The following DNAH10 variants were observed in gnomAD, a reference collection of about 807,000 sequenced individuals.
The protein encoded by DNAH10 is dynein axonemal heavy chain 10.
In DNAH10, 348 loss-of-function variants were observed where a neutral mutation model predicts 506.6. The observed-to-expected ratio is 0.69, with a 90% CI of 0.63 to 0.75. The LOEUF (loss-of-function observed/expected upper bound fraction) is 0.75, where lower values mean the gene tolerates loss of function less well. Ranked by LOEUF, DNAH10 falls within the 30% of genes least tolerant of loss-of-function variation. DNAH10 has a pLI of 0.00. For missense variants in DNAH10, 5,179 were observed against 5,787.1 expected (o/e 0.89, Z 3.41); for synonymous variants, 2,059 against 2,198.6 (o/e 0.94, Z 1.78).
Position 123,826,633 on chromosome 12 carries a change from G to A in DNAH10, c.4180-54G>A, listed in dbSNP as rs1960020480. 2.0e-6 allele frequency: 3 copies of A among 1,533,754 alleles called. No individual in the cohort carries two copies. In the East Asian group the frequency reaches 6.8e-5, roughly 35 times the overall value. On this transcript the variant is annotated intron_variant, in intron 24 of 78. Coordinates refer to ENST00000673944, the MANE Select transcript of DNAH10 (RefSeq NM_001372106.1). Reference sequence around the variant, plus strand: ...TAAGAGTCAAGAACTTGCTCTCCTTGTTGCATTTCCAAAGGGGTCTTTGTT... The same window carrying A: ...TAAGAGTCAAGAACTTGCTCTCCTTATTGCATTTCCAAAGGGGTCTTTGTT...
intron 5 of DNAH10, among the ~76,000 whole-genome samples, chr12:123,779,298 C>T (rs1267447772): frequency 6.6e-6 from 1 of 152,052 alleles, no homozygotes; most frequent in Non-Finnish European, 1.5e-5. Flanking sequence ...GCCTTGGCCT[C>T]TCAAAGTGCT....
At chr12:123,933,302 T>C (rs1445807192) in intron 76 of DNAH10, 29 bp from the exon 77 acceptor site, 3 of 1,455,528 alleles carry the variant, frequency 2.1e-6, no homozygotes, top group East Asian at 5.4e-5. Context: ...AGCCCCAGGC[T>C]CCCAGCACTT....
intron 65 of DNAH10, among the ~76,000 whole-genome samples, chr12:123,922,177 A>G (rs2137587943): frequency 6.6e-6 from 1 of 152,154 alleles, no homozygotes; most frequent in African/African-American, 2.4e-5. Context: ...GATGGAGACC[A>G]TCCTGGCCAA....
intron 47 of DNAH10, among the ~76,000 whole-genome samples, chr12:123,877,061 C>T (rs537241486): frequency 2.0e-5 from 3 of 152,328 alleles, no homozygotes; most frequent in South Asian, 4.1e-4. Flanking sequence ...CCATCAGCAA[C>T]GTCTAACCCC....
In DNAH10 at chr12:123,846,270, A is replaced by C. The variant is rs1383681621; in HGVS notation, c.5814+116A>C. On this transcript the variant is annotated intron_variant, in intron 32 of 78. Coordinates refer to ENST00000673944, the MANE Select transcript of DNAH10 (RefSeq NM_001372106.1). The surrounding 1 kb of genome is among the most constrained non-coding windows in gnomAD (Gnocchi z 4.5). ...ATAGCAGGGGAGATCATTGCTTTGA[A>C]ATCTCGAAAAGCTTTTCCATTTGGG... 3 of 1,297,520 alleles carry C rather than the reference A, an allele frequency of 2.3e-6. No individual in the cohort carries two copies. The highest frequency in any genetic ancestry group is 3.1e-6 in the Non-Finnish European group (3 of 970,984). The allele number at this position is 1,297,520 out of a possible 1,614,324, so 80.4% of individuals were successfully genotyped here.
intron 77 of DNAH10, among the ~76,000 whole-genome samples, chr12:123,933,720 T>C (rs1955329246): frequency 1.3e-5 from 2 of 152,226 alleles, no homozygotes; most frequent in South Asian, 2.1e-4. Flanking sequence ...TTCCACTTTC[T>C]CCGTTGAGAC....
At chr12:123,854,633 A>G (rs1425460581) in intron 36 of DNAH10, among the ~76,000 whole-genome samples, 2 of 152,242 alleles carry the variant, frequency 1.3e-5, no homozygotes, top group African/African-American at 4.8e-5. Context: ...CCCTCTTCTC[A>G]TCCAGCAATG....
chr12:123,926,968 G>A lies in DNAH10; in HGVS notation c.12105+148G>A, dbSNP rs1954973280. 1.3e-6 allele frequency: 1 copy of A among 799,428 alleles called. No homozygotes were observed. Among genetic ancestry groups the A allele is most frequent in the South Asian group, 1.8e-5 (1 of 56,588 alleles). 49.5% of individuals were successfully genotyped at this position (799,428 alleles called of 1,614,324 possible). ...GCTAAGAAGCAGTAATGAAACACTG[G>A]GAAGATGACAATAATAGTTATGATT... On this transcript the variant is annotated intron_variant, in intron 69 of 78. Coordinates refer to ENST00000673944, the MANE Select transcript of DNAH10 (RefSeq NM_001372106.1). The surrounding 1 kb of genome is among the most constrained non-coding windows in gnomAD (Gnocchi z 4.1).
rs753178630 is a variant in DNAH10 at position 123,933,352 on chromosome 12, G to A, written c.13318G>A (p.Val4440Met). The change falls in exon 77 of 79, where the codon GTG becomes ATG. Residue 4440 changes from valine (V) to methionine (M), a missense_variant. By Grantham distance (21) the Val-to-Met change is conservative. Coordinates refer to ENST00000673944, the MANE Select transcript of DNAH10 (RefSeq NM_001372106.1). Reference protein sequence around the residue: ...MLWVTESEPSVMWLSGLHIPE... With the variant: ...MLWVTESEPSMMWLSGLHIPE... Reference sequence around the variant, plus strand: ...CCAGGTGACCGAGAGCGAGCCCAGCGTGATGTGGCTCTCGGGGCTGCACAT... The same window carrying A: ...CCAGGTGACCGAGAGCGAGCCCAGCATGATGTGGCTCTCGGGGCTGCACAT... The A allele has an allele frequency of 8.1e-6, 13 of 1,595,564 alleles. No individual in the cohort carries two copies. Among genetic ancestry groups the A allele is most frequent in the East Asian group, 4.6e-5 (2 of 43,616 alleles).
rs771068331 is a variant in DNAH10, at chr12:123,848,782, T to C, written c.6002T>C (p.Phe2001Ser). Residue 2001 changes from phenylalanine (F) to serine (S), a missense_variant, in exon 34 of 79, where the codon TTT becomes TCT. Transcript: ENST00000673944. ...GCACAGTGCGGGGCTTGGGGCTGCT[T>C]TGATGAGTTTAATCGAATCGATGCT... The part of the protein sequence containing the change: ...GLAQCGAWGC[F>S]DEFNRIDASV... 5 of 1,613,866 alleles carry C rather than the reference T, an allele frequency of 3.1e-6. No individual in the cohort carries two copies. The African/African-American group carries it at 5.3e-5, about 17-fold the overall frequency.
chr12:123,902,203 AT>A lies in DNAH10; in HGVS notation c.9641-733del, dbSNP rs1953553190. Among the ~76,000 whole-genome samples the A allele has an allele frequency of 6.6e-6, 1 of 151,990 alleles. No individual in the cohort carries two copies. The highest frequency in any genetic ancestry group is 2.4e-5 in the African/African-American group (1 of 41,366). ...TTCTGATAGGGACCCCAGGCATTGG[AT>A]TTAGGGCCCACCCTCACCCCGTATG... On this transcript the variant is annotated intron_variant, in intron 56 of 78. Transcript: ENST00000673944. This position sits in a 1 kb window ranked among gnomAD's most constrained non-coding sequence, Gnocchi z 4.5.
At chr12:123,908,283 C>G in intron 57 of DNAH10, 1 of 454,004 alleles carries the variant, frequency 2.2e-6, no homozygotes, top group Non-Finnish European at 4.4e-6. Context: ...TGTTCTTGTG[C>G]ATGTGTCTCC....
intron 3 of DNAH10, 56 bp from the exon 4 acceptor site, chr12:123,772,778 C>A: frequency 1.5e-6 from 2 of 1,325,188 alleles, no homozygotes; most frequent in South Asian, 1.3e-5. Flanking sequence ...ATATTAGGTT[C>A]TTTAGGTGAA....
chr12:123,932,283 T>C (rs937825687), intron 76 of DNAH10, among the ~76,000 whole-genome samples, 175 bp downstream of exon 76: 3 of 152,240 alleles, frequency 2.0e-5, no homozygotes, highest in Non-Finnish European at 2.9e-5. Flanking sequence ...TTGTTTTTCC[T>C]TTTCTTTTGA....
rs1475165407 is a variant in DNAH10 at position 123,813,539 on chromosome 12, AAC to A, written c.3524_3525del (p.Thr1175SerfsTer18). 6.2e-7 allele frequency: 1 copy of A among 1,614,232 alleles called. No homozygotes were observed. Among genetic ancestry groups the A allele is most frequent in the Non-Finnish European group, 8.5e-7 (1 of 1,180,036 alleles). ...CAGACTTCAGCTCAGGCATCTGGCA[AAC>A]ACAGTGCAGGAAAATGCCAAGTCCT... ...CIRLQLRHLA[N>X]TVQENAKSWV... On this transcript the variant is annotated frameshift_variant, in exon 20 of 79. Coordinates refer to ENST00000673944, the MANE Select transcript of DNAH10 (RefSeq NM_001372106.1). LOFTEE classifies it high-confidence loss of function.
In DNAH10 at chr12:123,852,933, G is replaced by A. The variant is rs528218882; in HGVS notation, c.6292-273G>A. 4.9e-4 allele frequency among the ~76,000 whole-genome samples: 75 copies of A among 152,026 alleles called. 2 individuals are homozygous for A. The South Asian group carries it at 0.015, about 30-fold the overall frequency. ...TAAAGAAGCAATGTATTTCTGGAGT[G>A]TGATTCCTACAGATGGTTCTGTTCT... On this transcript the variant is annotated intron_variant, in intron 35 of 78. Coordinates refer to ENST00000673944, the MANE Select transcript of DNAH10 (RefSeq NM_001372106.1).
chr12:123,766,585 T>C lies in DNAH10; in HGVS notation c.215-1021T>C, dbSNP rs866398278. Reference sequence around the variant, plus strand: ...AATGGACACTTAGCTTTTCAGAGTATTCATTCTACAAACAATGGAATAATG... The same window carrying C: ...AATGGACACTTAGCTTTTCAGAGTACTCATTCTACAAACAATGGAATAATG... On this transcript the variant is annotated intron_variant, in intron 1 of 78. Coordinates refer to ENST00000673944, the MANE Select transcript of DNAH10 (RefSeq NM_001372106.1). 5.9e-5 allele frequency among the ~76,000 whole-genome samples: 9 copies of C among 152,334 alleles called. No individual in the cohort carries two copies. The South Asian group carries it at 1.9e-3, about 32-fold the overall frequency.
At position 123,801,392 on chromosome 12, in the gene DNAH10, G is replaced by T; in HGVS notation, c.2574G>T (p.Val858=). Residue 858 remains valine (V), a synonymous_variant, in exon 16 of 79, where the codon GTG becomes GTT. Coordinates refer to ENST00000673944, the MANE Select transcript of DNAH10 (RefSeq NM_001372106.1). ...ATCATTCCCAGGAACTGCTCCGAGT[G>T]TTTAGGTCGGGATATAAGAGGTTGA... ...LKDHSQELLR[V]FRSGYKRLNW... 6.2e-7 allele frequency: 1 copy of T among 1,614,184 alleles called. No homozygotes were observed. Among genetic ancestry groups the T allele is most frequent in the Non-Finnish European group, 8.5e-7 (1 of 1,180,038 alleles).
At chr12:123,882,755 G>A (rs1267181648) in intron 51 of DNAH10, among the ~76,000 whole-genome samples, 3 of 126,704 alleles carry the variant, frequency 2.4e-5, no homozygotes, top group Non-Finnish European at 4.6e-5. Flanking sequence ...TCATGCCGCA[G>A]CACTCCAGCC....
Sources: gnomAD v4.1 joint callset for allele counts (sites outside exome capture counted in the v4.1 genomes callset) on GRCh38, gnomAD v4.1.1 for gene constraint, Gnocchi (gnomAD v3.1) non-coding constraint, MANE v1.5 for transcripts, NCBI Gene and HGNC (gene_info 2026-07-23, HGNC 2026-07-21) for gene names.